The following PCDH7 variants were observed in gnomAD, a reference collection of about 807,000 sequenced individuals.
The protein encoded by PCDH7 is protocadherin-7.
PCDH7 carries 17 observed loss-of-function variants against 58.9 expected under a neutral mutation model. That is an observed-to-expected ratio of 0.29 (90% confidence interval 0.20 to 0.43). PCDH7 has a LOEUF of 0.43. Ranked by LOEUF, PCDH7 falls within the 20% of genes least tolerant of loss-of-function variation. The pLI is 1.00. For synonymous variants in PCDH7, 664 were observed against 616.4 expected (o/e 1.08, Z -1.14); for missense variants, 1,274 against 1,441.0 (o/e 0.88, Z 1.88).
chr4:30,933,316 C>G (rs908699537), intron 2 of PCDH7, among the ~76,000 whole-genome samples: 2 of 152,076 alleles, frequency 1.3e-5, no homozygotes, highest in Non-Finnish European at 2.9e-5. Context: ...TGAGCCACTG[C>G]ACCTGGCCAG....
intron 1 of PCDH7, among the ~76,000 whole-genome samples, chr4:30,856,693 GAAA>G (rs33918177): frequency 0.091 from 12,741 of 139,280 alleles, 795 homozygotes; most frequent in East Asian, 0.25. Context: ...ACTGATATCA[GAAA>G]AAAAAAAAAA....
At chr4:31,079,990 C>A (rs138552870) in intron 3 of PCDH7, among the ~76,000 whole-genome samples, 1 of 152,126 alleles carries the variant, frequency 6.6e-6, no homozygotes, top group African/African-American at 2.4e-5. Context: ...TAAGAAGTGC[C>A]GCAACCTCTC....
intron 1 of PCDH7, among the ~76,000 whole-genome samples, chr4:30,770,927 C>G (rs541546698): frequency 8.5e-5 from 13 of 152,102 alleles, no homozygotes; most frequent in Middle Eastern, 3.2e-3. Context: ...CTTTCTGTAA[C>G]TATTTTTTTC....
intron 1 of PCDH7, among the ~76,000 whole-genome samples, chr4:30,875,810 A>G (rs1362985088): frequency 1.3e-5 from 2 of 152,086 alleles, no homozygotes; most frequent in Non-Finnish European, 2.9e-5. Flanking sequence ...GCACATAGTT[A>G]CCATTTATTC....
chr4:30,850,476 A>G (rs1181356727), intron 1 of PCDH7, among the ~76,000 whole-genome samples: 1 of 152,108 alleles, frequency 6.6e-6, no homozygotes, highest in Non-Finnish European at 1.5e-5. Flanking sequence ...TGACCTCCAG[A>G]GAACCTAAGT....
At chr4:30,904,535 C>T (rs1367270096) in intron 1 of PCDH7, among the ~76,000 whole-genome samples, 1 of 152,116 alleles carries the variant, frequency 6.6e-6, no homozygotes, top group Non-Finnish European at 1.5e-5. Context: ...CGTCTGCAAC[C>T]TTAATTCCCC....
At chr4:30,870,897 C>G (rs972868839) in intron 1 of PCDH7, among the ~76,000 whole-genome samples, 9 of 152,234 alleles carry the variant, frequency 5.9e-5, no homozygotes, top group African/African-American at 2.2e-4. Flanking sequence ...ATTGCGGCAC[C>G]TGTAAACATC....
chr4:30,864,068 G>A (rs554260353), intron 1 of PCDH7, among the ~76,000 whole-genome samples: 100 of 152,160 alleles, frequency 6.6e-4, no homozygotes, highest in African/African-American at 2.4e-3. Context: ...ACTGGCAGAG[G>A]AATTCTGCAA....
chr4:31,020,014 A>AAATAACC (rs1753905176), intron 3 of PCDH7, among the ~76,000 whole-genome samples: 1 of 152,196 alleles, frequency 6.6e-6, no homozygotes, highest in Non-Finnish European at 1.5e-5. Context: ...ATTGAAACAG[A>AAATAACC]AATAACCGTG....
At chr4:30,882,299 G>A (rs1362728766) in intron 1 of PCDH7, among the ~76,000 whole-genome samples, 2 of 151,484 alleles carry the variant, frequency 1.3e-5, no homozygotes, top group African/African-American at 4.9e-5. Flanking sequence ...GTCTTGTTCT[G>A]TAGCTTAGGT....
intron 1 of PCDH7, among the ~76,000 whole-genome samples, chr4:30,800,486 G>A (rs1247820157): frequency 6.6e-6 from 1 of 152,114 alleles, no homozygotes; most frequent in East Asian, 1.9e-4. Context: ...CACTGTGCTT[G>A]ATGTTTTGAA....
chr4:30,817,088 T>C (rs1727781796), intron 1 of PCDH7, among the ~76,000 whole-genome samples: 1 of 152,126 alleles, frequency 6.6e-6, no homozygotes, highest in African/African-American at 2.4e-5. Context: ...TTTTGAGGAA[T>C]TTAAATAAAG....
At chr4:30,765,647 T>C (rs1217547648) in intron 1 of PCDH7, among the ~76,000 whole-genome samples, 1 of 152,198 alleles carries the variant, frequency 6.6e-6, no homozygotes, top group East Asian at 1.9e-4. Flanking sequence ...TACATTTCAG[T>C]GTCTAATTGT....
At chr4:30,974,236 T>C (rs991864465) in intron 3 of PCDH7, among the ~76,000 whole-genome samples, 5 of 145,850 alleles carry the variant, frequency 3.4e-5, no homozygotes, top group South Asian at 2.2e-4. Flanking sequence ...TTCTTTCTTT[T>C]TCTTTCTTTC....
rs1174787712 is a variant in PCDH7 at position 31,002,072 on chromosome 4, A to T, written c.*7+51857A>T. Among the ~76,000 whole-genome samples, 3 of 152,214 alleles carry T rather than the reference A, an allele frequency of 2.0e-5. No homozygotes were observed. The East Asian group carries it at 5.8e-4, about 29-fold the overall frequency. On this transcript the variant is annotated intron_variant, in intron 3 of 3. Transcript: ENST00000509759. ...AGCTGCTTTGCTATTTTAAACAACC[A>T]TAGATAACAATTGCTCCCCCATCCC... is the stretch of plus-strand genomic sequence containing the variant.
intron 1 of PCDH7, among the ~76,000 whole-genome samples, chr4:30,892,524 C>G (rs1261856431): frequency 6.6e-6 from 1 of 151,930 alleles, no homozygotes; most frequent in East Asian, 1.9e-4. Context: ...TCAAACAATG[C>G]TAAGAGAGAA....
Position 30,968,386 on chromosome 4 carries a change from A to ACACACAC in PCDH7, c.*7+18171_*7+18172insCACACAC, listed in dbSNP as rs1560541616. On this transcript the variant is annotated intron_variant, in intron 3 of 3. Coordinates refer to the PCDH7 transcript ENST00000509759. ...ATATATATACACACACTATATATAT[A>ACACACAC]TATATATATATATATATATATATAT... 6.9e-3 allele frequency among the ~76,000 whole-genome samples: 400 copies of ACACACAC among 58,014 alleles called. 5 individuals are homozygous for ACACACAC. The highest frequency in any genetic ancestry group is 0.043 in the African/African-American group (360 of 8,346). The allele number at this position is 58,014 out of a possible 152,430, so 38.1% of individuals were successfully genotyped here.
At chr4:30,763,651 G>A (rs1321387562) in intron 1 of PCDH7, among the ~76,000 whole-genome samples, 6 of 152,208 alleles carry the variant, frequency 3.9e-5, no homozygotes, top group East Asian at 1.9e-4. Flanking sequence ...TTCAGGATCC[G>A]TTTTGTTTTT....
intron 1 of PCDH7, among the ~76,000 whole-genome samples, chr4:30,911,330 CCA>C (rs1491522918): frequency 1.4e-5 from 2 of 143,750 alleles, no homozygotes; most frequent in Non-Finnish European, 1.5e-5. Flanking sequence ...ACCCCCCCCC[CCA>C]AAAAAAAGAA....
Sources: allele counts gnomAD v4.1 joint callset (sites outside exome capture counted in the v4.1 genomes callset), GRCh38; gene constraint gnomAD v4.1.1; transcripts MANE v1.5; gene names NCBI Gene and HGNC (gene_info 2026-07-23, HGNC 2026-07-21).